TOX: variants seen among roughly 807,000 people sequenced by gnomAD.
TOX encodes the protein thymocyte selection associated high mobility group box.
TOX carries 11 observed loss-of-function variants against 53.7 expected under a neutral mutation model. The ratio of observed to expected loss-of-function variants is 0.20; its 90% CI spans 0.13 to 0.34. The LOEUF is 0.34. Ranked by LOEUF, TOX falls within the 10% of genes least tolerant of loss-of-function variation. The pLI is 1.00. For synonymous variants in TOX, 225 were observed against 245.3 expected (o/e 0.92, Z 0.77); for missense variants, 570 against 664.6 (o/e 0.86, Z 1.56).
chr8:58,848,211 T>C (rs998263831), intron 4 of TOX, among the ~76,000 whole-genome samples: 4 of 151,924 alleles, frequency 2.6e-5, no homozygotes, highest in Admixed American at 2.6e-4. Flanking sequence ...ATAGCTGTAT[T>C]CCAGGGACAG....
intron 3 of TOX, among the ~76,000 whole-genome samples, chr8:58,860,905 A>G (rs1810999436): frequency 6.6e-6 from 1 of 152,172 alleles, no homozygotes; most frequent in Admixed American, 6.5e-5. Flanking sequence ...TGTACATATA[A>G]TCTCTCTTTT....
chr8:59,103,494 T>C (rs1323483738), intron 1 of TOX, among the ~76,000 whole-genome samples: 1 of 152,208 alleles, frequency 6.6e-6, no homozygotes, highest in African/African-American at 2.4e-5. Flanking sequence ...CATATTCACA[T>C]TAAAATAGAC....
At chr8:58,984,411 A>G (rs1198820151) in intron 1 of TOX, among the ~76,000 whole-genome samples, 6 of 152,214 alleles carry the variant, frequency 3.9e-5, no homozygotes, top group Admixed American at 3.9e-4. Flanking sequence ...ACATGAAAAG[A>G]TGTTCAACAC....
chr8:59,017,756 G>A (rs1814042690), intron 1 of TOX, among the ~76,000 whole-genome samples: 1 of 152,094 alleles, frequency 6.6e-6, no homozygotes, highest in South Asian at 2.1e-4. Context: ...ACTCGGAACA[G>A]GTGTCTAGAG....
chr8:59,054,649 C>T (rs1005118370), intron 1 of TOX, among the ~76,000 whole-genome samples: 9 of 152,046 alleles, frequency 5.9e-5, no homozygotes, highest in African/African-American at 1.7e-4. Flanking sequence ...AAGGCCGACT[C>T]GTTACAACTT....
chr8:59,009,175 T>C (rs570082580), intron 1 of TOX, among the ~76,000 whole-genome samples: 1 of 151,666 alleles, frequency 6.6e-6, no homozygotes, highest in East Asian at 1.9e-4. Context: ...TTCCTTCATC[T>C]CTCCTTTCTT....
intron 1 of TOX, among the ~76,000 whole-genome samples, chr8:59,021,846 C>T (rs553632667): frequency 3.9e-5 from 6 of 152,122 alleles, no homozygotes; most frequent in African/African-American, 1.2e-4. Flanking sequence ...CTGAAACTTT[C>T]TATTAAATTT....
rs144150296 is a variant in TOX at position 59,102,129 on chromosome 8, T to A, written c.102+16757A>T. On this transcript the variant is annotated intron_variant, in intron 1 of 8. Transcript: ENST00000361421. ...TTACAGTTCCATGTGGCTGGGGAGG[T>A]CTCATAATCATGGCAGAAAGCAAGG... Among the ~76,000 whole-genome samples the A allele has an allele frequency of 6.9e-4, 105 of 151,898 alleles. 1 individual carries two copies. Among genetic ancestry groups the A allele is most frequent in the African/African-American group, 2.5e-3 (104 of 41,394 alleles).
intron 3 of TOX, among the ~76,000 whole-genome samples, chr8:58,900,127 G>T (rs894601844): frequency 3.9e-5 from 6 of 151,928 alleles, no homozygotes; most frequent in Admixed American, 3.9e-4. Flanking sequence ...GAACTAACTT[G>T]TCCTGGCCCA....
intron 1 of TOX, among the ~76,000 whole-genome samples, chr8:59,108,298 C>A (rs1028916974): frequency 1.3e-5 from 2 of 152,174 alleles, no homozygotes; most frequent in East Asian, 1.9e-4. Context: ...TCAACACACC[C>A]TGTCAAATTC....
At chr8:58,939,646 T>C in intron 2 of TOX, 102 bp from the exon 3 acceptor site, 1 of 1,469,324 alleles carries the variant, frequency 6.8e-7, no homozygotes, top group Non-Finnish European at 9.1e-7. Flanking sequence ...AAGCAGCATA[T>C]GGATTTGGCA....
At chr8:58,991,485 A>G (rs1379644219) in intron 1 of TOX, among the ~76,000 whole-genome samples, 1 of 152,212 alleles carries the variant, frequency 6.6e-6, no homozygotes, top group Non-Finnish European at 1.5e-5. Flanking sequence ...GTTACCTAGA[A>G]CAATCGGCCG....
rs2129168149 is a variant in TOX, at chr8:58,851,142, T to A, written c.693+382A>T. On this transcript the variant is annotated intron_variant, in intron 4 of 8. Transcript: ENST00000361421. The surrounding 1 kb of genome is among the most constrained non-coding windows in gnomAD (Gnocchi z 4.4). ...TTTCATGTAACATCATCACCATACA[T>A]CTCCTCTCTCTCTCTGTCTCTCTCT... Among the ~76,000 whole-genome samples, 1 of 132,952 alleles carries A rather than the reference T, an allele frequency of 7.5e-6. No homozygotes were observed. Among genetic ancestry groups the A allele is most frequent in the South Asian group, 2.5e-4 (1 of 4,074 alleles). The allele number at this position is 132,952 out of a possible 152,430, so 87.2% of individuals were successfully genotyped here.
At chr8:58,947,133 T>C (rs1201336696) in intron 2 of TOX, among the ~76,000 whole-genome samples, 1 of 152,138 alleles carries the variant, frequency 6.6e-6, no homozygotes, top group Non-Finnish European at 1.5e-5. Context: ...ATTCTAAGTT[T>C]TAGTCATGTA....
chr8:58,859,438 T>C (rs757430286), intron 3 of TOX, among the ~76,000 whole-genome samples: 5 of 152,326 alleles, frequency 3.3e-5, no homozygotes, highest in Admixed American at 2.0e-4. Context: ...CGCTTTTCTT[T>C]CAAAAGACAA....
At chr8:58,988,361 T>C (rs569944270) in intron 1 of TOX, among the ~76,000 whole-genome samples, 2 of 152,338 alleles carry the variant, frequency 1.3e-5, no homozygotes, top group East Asian at 1.9e-4. Flanking sequence ...AAAACAGCCA[T>C]GTTCTTTCAT....
chr8:59,119,081 G>T lies in TOX; in HGVS notation c.-94C>A. 1 of 763,714 alleles carries T rather than the reference G, an allele frequency of 1.3e-6. No individual in the cohort carries two copies. The allele number at this position is 763,714 out of a possible 1,614,324, so 47.3% of individuals were successfully genotyped here. ...TTAGACGGAACAGAGTGAGGTGTCT[G>T]GGCTCAGGAGTAAAAGAAACACCTT... On this transcript the variant is annotated 5_prime_UTR_variant, in exon 1 of 9. Coordinates refer to ENST00000361421, the MANE Select transcript of TOX (RefSeq NM_014729.3).
intron 1 of TOX, among the ~76,000 whole-genome samples, chr8:59,016,935 C>G (rs1051196321): frequency 6.6e-6 from 1 of 152,216 alleles, no homozygotes; most frequent in Non-Finnish European, 1.5e-5. Flanking sequence ...GGGTCAGCCT[C>G]CCAATCCCAA....
chr8:59,064,014 A>T (rs1388252887), intron 1 of TOX, among the ~76,000 whole-genome samples: 1 of 152,092 alleles, frequency 6.6e-6, no homozygotes, highest in Non-Finnish European at 1.5e-5. Flanking sequence ...AGAATAAAAG[A>T]CTTGGAAATG....
Sources: gnomAD v4.1 joint callset for allele counts (sites outside exome capture counted in the v4.1 genomes callset) on GRCh38, gnomAD v4.1.1 for gene constraint, Gnocchi (gnomAD v3.1) non-coding constraint, MANE v1.5 for transcripts, NCBI Gene and HGNC (gene_info 2026-07-23, HGNC 2026-07-21) for gene names.